DPP10: variants seen among roughly 807,000 people sequenced by gnomAD.
DPP10 encodes the protein dipeptidyl peptidase like 10, also known as inactive dipeptidyl peptidase 10.
Under a neutral mutation model 120.9 loss-of-function variants are expected in DPP10, and 33 were observed. The observed-to-expected ratio is 0.27, with a 90% CI of 0.21 to 0.37. The LOEUF (loss-of-function observed/expected upper bound fraction) is 0.37, where lower values mean the gene tolerates loss of function less well. Ranked by LOEUF, DPP10 falls within the 10% of genes least tolerant of loss-of-function variation. DPP10 has a pLI of 1.00. For missense variants in DPP10, 816 were observed against 942.8 expected, an observed-to-expected ratio of 0.87 and a Z score of 1.76; for synonymous variants, 337 against 326.1, an observed-to-expected ratio of 1.03 and a Z score of -0.36.
chr2:115,406,953 C>T (rs1439283741), intron 3 of DPP10, among the ~76,000 whole-genome samples: 1 of 152,084 alleles, frequency 6.6e-6, no homozygotes, highest in Non-Finnish European at 1.5e-5. Flanking sequence ...TCTTGTCACA[C>T]GACCAGAAAA....
chr2:114,693,167 T>C (rs1169630253), intron 1 of DPP10, among the ~76,000 whole-genome samples: 1 of 152,020 alleles, frequency 6.6e-6, no homozygotes, highest in Non-Finnish European at 1.5e-5. Context: ...GGTTGCTTCA[T>C]AGTGTCACTG....
intron 1 of DPP10, among the ~76,000 whole-genome samples, chr2:114,776,805 G>A (rs1681787912): frequency 6.6e-6 from 1 of 152,044 alleles, no homozygotes; most frequent in Non-Finnish European, 1.5e-5. Context: ...GAATTGATGA[G>A]TATTGGAAAA....
chr2:115,640,144 G>C (rs2086662779), intron 5 of DPP10, among the ~76,000 whole-genome samples: 1 of 152,010 alleles, frequency 6.6e-6, no homozygotes, highest in Non-Finnish European at 1.5e-5. Context: ...TGACTTGCTT[G>C]CTAAACATTC....
Position 115,346,305 on chromosome 2 carries a change from G to C in DPP10, c.271+2393G>C, listed in dbSNP as rs999717427. 2.0e-5 allele frequency among the ~76,000 whole-genome samples: 3 copies of C among 152,046 alleles called. No homozygotes were observed. The South Asian group carries it at 6.2e-4, about 32-fold the overall frequency. Reference sequence around the variant, plus strand: ...TTATTCTCAAGTGATATCTCAACAGGTTTTCTTTGTACATAAGTCACTTGA... The same window carrying C: ...TTATTCTCAAGTGATATCTCAACAGCTTTTCTTTGTACATAAGTCACTTGA... On this transcript the variant is annotated intron_variant, in intron 3 of 25. Coordinates refer to ENST00000410059, the MANE Select transcript of DPP10 (RefSeq NM_020868.6).
intron 1 of DPP10, among the ~76,000 whole-genome samples, chr2:115,051,750 G>A (rs754761377): frequency 2.6e-5 from 4 of 152,114 alleles, no homozygotes; most frequent in Non-Finnish European, 5.9e-5. Context: ...CTCTAGAGAT[G>A]TAGCATACAG....
chr2:115,537,494 T>C (rs2078922853), intron 5 of DPP10, among the ~76,000 whole-genome samples: 1 of 151,770 alleles, frequency 6.6e-6, no homozygotes, highest in South Asian at 2.1e-4. Context: ...AATAAGTTAG[T>C]GTATTATAAT....
intron 1 of DPP10, among the ~76,000 whole-genome samples, chr2:114,728,901 G>A (rs1469736664): frequency 6.6e-6 from 1 of 152,210 alleles, no homozygotes; most frequent in Non-Finnish European, 1.5e-5. Flanking sequence ...ATGGCTCTCT[G>A]CACTAGAGTT....
intron 1 of DPP10, among the ~76,000 whole-genome samples, chr2:114,952,165 G>A (rs185797552): frequency 1.7e-4 from 26 of 151,924 alleles, no homozygotes; most frequent in African/African-American, 6.0e-4. Context: ...AATAATCTAA[G>A]TAATTAATAA....
At chr2:114,687,711 G>C (rs1184679192) in intron 1 of DPP10, among the ~76,000 whole-genome samples, 1 of 151,950 alleles carries the variant, frequency 6.6e-6, no homozygotes, top group African/African-American at 2.4e-5. Flanking sequence ...TTTCTGATAA[G>C]TCACATCCCA....
At chr2:114,494,144 C>T (rs1200180850) in intron 1 of DPP10, among the ~76,000 whole-genome samples, 2 of 88,156 alleles carry the variant, frequency 2.3e-5, no homozygotes, top group Admixed American at 2.1e-4. Context: ...TCAATAAAAA[C>T]AGTAGTTAAA....
intron 4 of DPP10, among the ~76,000 whole-genome samples, chr2:115,506,405 A>G (rs991121704): frequency 3.3e-5 from 5 of 152,120 alleles, no homozygotes; most frequent in African/African-American, 9.7e-5. Context: ...TAAAAAATCA[A>G]CTGAGACCCA....
intron 3 of DPP10, among the ~76,000 whole-genome samples, chr2:115,435,896 ATTC>A (rs1459223834): frequency 6.6e-6 from 1 of 151,918 alleles, no homozygotes; most frequent in African/African-American, 2.4e-5. Flanking sequence ...GTCAAGTTTC[ATTC>A]TTCTGCATAT....
chr2:115,019,594 A>AG (rs1190760113), intron 1 of DPP10, among the ~76,000 whole-genome samples: 1 of 152,204 alleles, frequency 6.6e-6, no homozygotes, highest in African/African-American at 2.4e-5. Flanking sequence ...AACATCTTTG[A>AG]GGGTATAATT....
At chr2:115,324,625 A>T (rs542956925) in intron 2 of DPP10, among the ~76,000 whole-genome samples, 20 of 152,248 alleles carry the variant, frequency 1.3e-4, no homozygotes, top group African/African-American at 4.3e-4. Context: ...TCTATCCAGA[A>T]CACAAAAACT....
chr2:114,593,974 C>T (rs1490181125), intron 1 of DPP10, among the ~76,000 whole-genome samples: 1 of 152,112 alleles, frequency 6.6e-6, no homozygotes, highest in African/African-American at 2.4e-5. Flanking sequence ...GTCAGGCCTG[C>T]TGAGCTACTG....
At chr2:114,911,784 C>A (rs368943169) in intron 1 of DPP10, among the ~76,000 whole-genome samples, 2 of 152,100 alleles carry the variant, frequency 1.3e-5, no homozygotes, top group East Asian at 3.9e-4. Context: ...AGTGAGAAGA[C>A]TCTGAGGTTT....
At chr2:114,992,070 C>T (rs1008298963) in intron 1 of DPP10, among the ~76,000 whole-genome samples, 1 of 152,192 alleles carries the variant, frequency 6.6e-6, no homozygotes, top group Non-Finnish European at 1.5e-5. Context: ...TTCCTTTTTA[C>T]ATAAAGCCCA....
intron 1 of DPP10, among the ~76,000 whole-genome samples, chr2:114,895,226 G>A (rs867578485): frequency 6.6e-5 from 10 of 152,220 alleles, no homozygotes; most frequent in Middle Eastern, 3.4e-3. Context: ...ATAAAACGAC[G>A]TGTGGATACA....
chr2:114,503,299 T>C (rs776439665), intron 1 of DPP10, among the ~76,000 whole-genome samples: 1 of 152,204 alleles, frequency 6.6e-6, no homozygotes, highest in Non-Finnish European at 1.5e-5. Flanking sequence ...TATAGGGAGA[T>C]GTTCACCTTA....
Sources: allele counts gnomAD v4.1 joint callset (sites outside exome capture counted in the v4.1 genomes callset), GRCh38; gene constraint gnomAD v4.1.1; transcripts MANE v1.5; gene names NCBI Gene and HGNC (gene_info 2026-07-23, HGNC 2026-07-21).